Variants in KCND2 observed in about 807,000 individuals in gnomAD.
KCND2 encodes potassium voltage-gated channel subfamily D member 2.
KCND2 carries 16 observed loss-of-function variants against 54.4 expected under a neutral mutation model. That is an observed-to-expected ratio of 0.29 (90% CI 0.20 to 0.45). The LOEUF (loss-of-function observed/expected upper bound fraction) is 0.45, where lower values mean the gene tolerates loss of function less well. KCND2 is among the 20% of genes least tolerant of loss of function. The pLI is 1.00. For synonymous variants in KCND2, 317 were observed against 310.7 expected (o/e 1.02, Z -0.21); for missense variants, 486 against 824.2 (o/e 0.59, Z 5.02).
chr7:120,474,772 G>T (rs67181710), intron 1 of KCND2, among the ~76,000 whole-genome samples: 10,210 of 152,090 alleles, frequency 0.067, 889 homozygotes, highest in East Asian at 0.45. Flanking sequence ...AGCTTCTCCA[G>T]GGAAAGATCC....
At chr7:120,515,664 A>G (rs144138743) in intron 1 of KCND2, among the ~76,000 whole-genome samples, 87 of 152,266 alleles carry the variant, frequency 5.7e-4, no homozygotes, top group Middle Eastern at 3.4e-3. Context: ...ACCCCAAAAA[A>G]GAGGCATCCC....
At chr7:120,483,160 C>G (rs1802631194) in intron 1 of KCND2, among the ~76,000 whole-genome samples, 1 of 152,122 alleles carries the variant, frequency 6.6e-6, no homozygotes, top group African/African-American at 2.4e-5. Context: ...GACTGAACTT[C>G]AAAAACACTC....
chr7:120,500,558 T>C lies in KCND2; in HGVS notation c.1115+224811T>C, dbSNP rs1802916558. On this transcript the variant is annotated intron_variant, in intron 1 of 5. Transcript: ENST00000331113. ...TTGAAATTCTTCGTAAGACCACTAT[T>C]TGGGCAAGATGTTGAAACACTTTAA... Among the ~76,000 whole-genome samples, 4 of 152,110 alleles carry C rather than the reference T, an allele frequency of 2.6e-5. 1 individual carries two copies. Among genetic ancestry groups the C allele is most frequent in the Middle Eastern group, 6.8e-3 (2 of 294 alleles).
At chr7:120,724,892 G>T (rs1045007483) in intron 1 of KCND2, among the ~76,000 whole-genome samples, 2 of 151,976 alleles carry the variant, frequency 1.3e-5, no homozygotes, top group Admixed American at 1.3e-4. Context: ...TAAAAACATG[G>T]CTCTGAAAGG....
intron 1 of KCND2, among the ~76,000 whole-genome samples, chr7:120,530,022 A>T (rs1412866289): frequency 6.6e-6 from 1 of 152,046 alleles, no homozygotes; most frequent in Non-Finnish European, 1.5e-5. Context: ...GCAGTGAGCC[A>T]TGATCATGCC....
chr7:120,553,528 G>A lies in KCND2; in HGVS notation c.1116-179375G>A, dbSNP rs577088572. On this transcript the variant is annotated intron_variant, in intron 1 of 5. Coordinates refer to ENST00000331113, the MANE Select transcript of KCND2 (RefSeq NM_012281.3). ...TTACAACTAACTTGTTAGGTCCCTTGACTTTGTGGCTTTGTACCTAGAAGG... is the reference window on the plus strand; with the variant it reads ...TTACAACTAACTTGTTAGGTCCCTTAACTTTGTGGCTTTGTACCTAGAAGG... 1.3e-3 allele frequency among the ~76,000 whole-genome samples: 205 copies of A among 152,204 alleles called. 1 individual carries two copies. The highest frequency in any genetic ancestry group is 4.7e-3 in the African/African-American group (195 of 41,520).
intron 1 of KCND2, among the ~76,000 whole-genome samples, chr7:120,647,613 C>G (rs1394346666): frequency 1.3e-5 from 2 of 152,146 alleles, no homozygotes; most frequent in Non-Finnish European, 2.9e-5. Context: ...GATGTGGCTG[C>G]AGAAAAGAAC....
chr7:120,349,056 A>G (rs1036028031), intron 1 of KCND2, among the ~76,000 whole-genome samples: 2 of 152,194 alleles, frequency 1.3e-5, no homozygotes, highest in Non-Finnish European at 2.9e-5. Flanking sequence ...TTAGCTCACT[A>G]CAGAACTAAT....
intron 3 of KCND2, 100 bp downstream of exon 3, chr7:120,741,729 T>A (rs1315432863): frequency 2.4e-6 from 2 of 834,750 alleles, no homozygotes; most frequent in African/African-American, 3.4e-5. Context: ...ATTATGACAA[T>A]GGCTATCCAA....
chr7:120,338,413 G>A (rs1201477925), intron 1 of KCND2, among the ~76,000 whole-genome samples: 3 of 151,490 alleles, frequency 2.0e-5, no homozygotes, highest in Admixed American at 6.6e-5. Context: ...CTTTTTTAAG[G>A]GCTTTGTTTT....
At chr7:120,603,256 A>G (rs768287169) in intron 1 of KCND2, among the ~76,000 whole-genome samples, 5 of 152,232 alleles carry the variant, frequency 3.3e-5, no homozygotes, top group South Asian at 2.1e-4. Flanking sequence ...GGAAGCAACT[A>G]TAAGTTCTTT....
At chr7:120,330,887 T>G (rs1052784716) in intron 1 of KCND2, among the ~76,000 whole-genome samples, 6 of 152,110 alleles carry the variant, frequency 3.9e-5, no homozygotes, top group African/African-American at 7.2e-5. Context: ...AAAAATACCT[T>G]ACAAACTATC....
At chr7:120,500,279 A>T (rs914282696) in intron 1 of KCND2, among the ~76,000 whole-genome samples, 1 of 152,192 alleles carries the variant, frequency 6.6e-6, no homozygotes, top group Non-Finnish European at 1.5e-5. Flanking sequence ...AAAGGCAGAG[A>T]TAGGTACACA....
intron 1 of KCND2, among the ~76,000 whole-genome samples, chr7:120,291,176 A>G (rs1283781605): frequency 1.3e-5 from 2 of 151,996 alleles, no homozygotes; most frequent in African/African-American, 4.8e-5. Context: ...ACTGGTGTAA[A>G]TGAAATAAAA....
intron 1 of KCND2, among the ~76,000 whole-genome samples, chr7:120,551,809 C>A (rs921118340): frequency 3.9e-5 from 6 of 152,106 alleles, no homozygotes; most frequent in African/African-American, 1.4e-4. Context: ...ATGGGATGTT[C>A]ATTTTGTGCC....
chr7:120,397,989 GTGTGTGTATATA>G (rs1211053217), intron 1 of KCND2, among the ~76,000 whole-genome samples: 13 of 40,348 alleles, frequency 3.2e-4, no homozygotes, highest in Non-Finnish European at 6.9e-4. Context: ...GTGTGTGTGT[GTGTGTGTATATA>G]TATATATATA....
At chr7:120,283,557 G>A (rs1431519728) in intron 1 of KCND2, among the ~76,000 whole-genome samples, 2 of 151,922 alleles carry the variant, frequency 1.3e-5, no homozygotes, top group Non-Finnish European at 2.9e-5. Context: ...TAATACATAA[G>A]TAAATTGTTA....
intron 1 of KCND2, among the ~76,000 whole-genome samples, chr7:120,720,575 G>C (rs994989585): frequency 6.6e-6 from 1 of 152,256 alleles, no homozygotes; most frequent in South Asian, 2.1e-4. Flanking sequence ...AGAGGGGCTG[G>C]GGAAGGAGCC....
At chr7:120,743,416 A>T (rs139343913) in intron 4 of KCND2, among the ~76,000 whole-genome samples, 5 of 152,324 alleles carry the variant, frequency 3.3e-5, no homozygotes, top group African/African-American at 1.2e-4. Context: ...CCCAAGAGTG[A>T]GCCAGACCCA....
Sources: allele counts gnomAD v4.1 joint callset (sites outside exome capture counted in the v4.1 genomes callset), GRCh38; gene constraint gnomAD v4.1.1; transcripts MANE v1.5; gene names NCBI Gene and HGNC (gene_info 2026-07-23, HGNC 2026-07-21).